Variants in SCN11A observed in about 807,000 individuals in gnomAD.
The protein encoded by SCN11A is sodium voltage-gated channel alpha subunit 11, also known as sodium channel protein type 11 subunit alpha.
Under a neutral mutation model 162.2 loss-of-function variants are expected in SCN11A, and 122 were observed. That is an observed-to-expected ratio of 0.75 (90% CI 0.65 to 0.87). The LOEUF is 0.87. SCN11A is among the 40% of genes least tolerant of loss of function. The pLI, the probability that SCN11A is intolerant of heterozygous loss-of-function variation, is 0.00. For synonymous variants in SCN11A, 758 were observed against 751.5 expected (o/e 1.01, Z -0.14); for missense variants, 2,015 against 2,181.6 (o/e 0.92, Z 1.52).
At chr3:38,927,060 C>CTG in intron 7 of SCN11A, 129 bp from the exon 8 acceptor site, 1 of 861,766 alleles carries the variant, frequency 1.2e-6, no homozygotes, top group Non-Finnish European at 1.8e-6. Context: ...TGGTCTTCAG[C>CTG]AAACCAGAGT....
chr3:38,954,643 C>T lies in SCN11A; in HGVS notation c.-138-884G>A, dbSNP rs140943329. ...TATAGATGATAAAAAAACAAACAAA[C>T]AAACAAACAAAAAAACAAAAAAACA... On this transcript the variant is annotated intron_variant, in intron 3 of 29. Transcript: ENST00000302328. Among the ~76,000 whole-genome samples, 994 of 151,824 alleles carry T rather than the reference C, an allele frequency of 6.5e-3. 3 individuals carry two copies. The highest frequency in any genetic ancestry group is 0.017 in the Middle Eastern group (5 of 294).
chr3:38,892,181 G>C (rs1371763987), intron 19 of SCN11A, among the ~76,000 whole-genome samples: 1 of 152,092 alleles, frequency 6.6e-6, no homozygotes, highest in Admixed American at 6.5e-5. Flanking sequence ...TTTATATCTA[G>C]TGAGGCTATC....
In SCN11A at chr3:38,961,597, T is replaced by C. The variant is rs867213209; in HGVS notation, c.-279-1174A>G. On this transcript the variant is annotated intron_variant, in intron 2 of 29. Transcript: ENST00000302328. Reference sequence around the variant, plus strand: ...CAAAGAATAAGAGAGGTACTTAGAGTTAATAAGCACTTTTTACATAAATGC... The same window carrying C: ...CAAAGAATAAGAGAGGTACTTAGAGCTAATAAGCACTTTTTACATAAATGC... Among the ~76,000 whole-genome samples the C allele has an allele frequency of 2.6e-5, 4 of 152,096 alleles. No individual in the cohort carries two copies. In the South Asian group the frequency reaches 6.2e-4, roughly 24 times the overall value.
At chr3:39,026,770 A>G (rs773558860) in intron 2 of SCN11A, among the ~76,000 whole-genome samples, 1 of 152,148 alleles carries the variant, frequency 6.6e-6, no homozygotes, top group Non-Finnish European at 1.5e-5. Context: ...CCAGGATAAG[A>G]AGATACTGAG....
chr3:38,948,856 T>C (rs1164073186), intron 5 of SCN11A, among the ~76,000 whole-genome samples: 3 of 152,218 alleles, frequency 2.0e-5, no homozygotes, highest in African/African-American at 7.2e-5. Flanking sequence ...AGGAGACCTC[T>C]ACAGTTAACT....
intron 28 of SCN11A, among the ~76,000 whole-genome samples, chr3:38,855,252 T>TC (rs2064848590): frequency 6.6e-6 from 1 of 152,252 alleles, no homozygotes; most frequent in African/African-American, 2.4e-5. Context: ...CTACTGGCTA[T>TC]CCCCCACTTC....
At chr3:39,019,567 T>C (rs931902935) in intron 2 of SCN11A, among the ~76,000 whole-genome samples, 5 of 152,214 alleles carry the variant, frequency 3.3e-5, no homozygotes, top group South Asian at 2.1e-4. Context: ...CATTGAGCAG[T>C]TGCAGTTTCA....
rs1044356067 is a variant in SCN11A at position 38,908,251 on chromosome 3, C to T, written c.1300-129G>A. ...CTGTATCATTTAAATTGCTCATCAT[C>T]TACCTGGACTACGCTAGCTCTGTTA... is the stretch of plus-strand genomic sequence containing the variant. On this transcript the variant is annotated intron_variant, in intron 13 of 29. Transcript: ENST00000302328. 2.0e-5 allele frequency: 15 copies of T among 747,028 alleles called. No homozygotes were observed. In the African/African-American group the frequency reaches 2.3e-4, roughly 11 times the overall value. The allele number at this position is 747,028 out of a possible 1,614,324, so 46.3% of individuals were successfully genotyped here.
intron 26 of SCN11A, among the ~76,000 whole-genome samples, chr3:38,868,607 C>T (rs1474322139): frequency 6.6e-6 from 1 of 152,066 alleles, no homozygotes; most frequent in Admixed American, 6.6e-5. Flanking sequence ...CAAAGCTCAC[C>T]CAATTTGTTC....
At position 38,847,198 on chromosome 3, in the gene SCN11A, G is replaced by A. The variant is rs1328569636; in HGVS notation, c.4872C>T (p.Asp1624=). The change falls in exon 30 of 30, where the codon GAC becomes GAT. Residue 1624 remains aspartate (D), a synonymous_variant. Coordinates refer to ENST00000302328, the MANE Select transcript of SCN11A (RefSeq NM_001349253.2). ...ACTTTTCCCACACTTCATAAAATAT[G>A]TCAAAGTCATCTTCACCCAAAGGGT... ...SEDPLGEDDF[D]IFYEVWEKFD... 1 of 1,614,058 alleles carries A rather than the reference G, an allele frequency of 6.2e-7. No individual in the cohort carries two copies. Among genetic ancestry groups the A allele is most frequent in the Non-Finnish European group, 8.5e-7 (1 of 1,179,960 alleles).
chr3:38,897,539 AC>A, intron 17 of SCN11A, among the ~76,000 whole-genome samples: 1 of 152,016 alleles, frequency 6.6e-6, no homozygotes, highest in African/African-American at 2.4e-5. Context: ...ACATGGTGAA[AC>A]CCCGTCTCTA....
At chr3:39,006,538 G>C (rs2030979102) in intron 2 of SCN11A, among the ~76,000 whole-genome samples, 1 of 150,428 alleles carries the variant, frequency 6.6e-6, no homozygotes, top group Non-Finnish European at 1.5e-5. Context: ...CCAACCAATA[G>C]ATAAAAGCAA....
intron 23 of SCN11A, among the ~76,000 whole-genome samples, chr3:38,872,546 C>T (rs2126096964): frequency 6.6e-6 from 1 of 152,100 alleles, no homozygotes; most frequent in South Asian, 2.1e-4. Flanking sequence ...GAGGTGGATG[C>T]ATAAAGGGAA....
intron 19 of SCN11A, among the ~76,000 whole-genome samples, chr3:38,886,457 TA>T (rs1349093899): frequency 5.3e-5 from 8 of 152,190 alleles, no homozygotes; most frequent in African/African-American, 1.9e-4. Context: ...GTTACAAAGA[TA>T]CATAATCAAA....
chr3:38,907,902 C>A, intron 14 of SCN11A, 47 bp downstream of exon 14: 1 of 1,496,452 alleles, frequency 6.7e-7, no homozygotes, highest in South Asian at 1.3e-5. Context: ...TGGACCTGTC[C>A]CCCTGGACAG....
At chr3:39,038,244 T>C (rs778104878) in intron 1 of SCN11A, among the ~76,000 whole-genome samples, 16 of 151,356 alleles carry the variant, frequency 1.1e-4, no homozygotes, top group Non-Finnish European at 1.9e-4. Context: ...AGGTGGTTGG[T>C]TGTAGCTCAG....
chr3:38,929,172 C>CACACACACAT (rs139558791), intron 7 of SCN11A, among the ~76,000 whole-genome samples: 5,012 of 79,772 alleles, frequency 0.063, 122 homozygotes, highest in Middle Eastern at 0.12. Context: ...CACACACACA[C>CACACACACAT]ATGTTTGGGA....
rs1290306448 is a variant in SCN11A at position 38,847,327 on chromosome 3, T to C, written c.4743A>G (p.Thr1581=). 1.9e-6 allele frequency: 3 copies of C among 1,614,084 alleles called. No individual in the cohort carries two copies. Among genetic ancestry groups the C allele is most frequent in the Non-Finnish European group, 1.7e-6 (2 of 1,180,034 alleles). Residue 1581 remains threonine, a synonymous_variant, in exon 30 of 30, where the codon ACA becomes ACG. Transcript: ENST00000302328. ...SENCHLPGIA[T]SYFVSYIIIS... is the part of the protein sequence containing the mutation. ...TGATAATGTAACTGACAAAGTAGGA[T>C]GTGGCTATGCCAGGGAGGTGGCAGT...
intron 2 of SCN11A, among the ~76,000 whole-genome samples, chr3:39,025,019 G>A (rs758174394): frequency 6.6e-6 from 1 of 152,058 alleles, no homozygotes; most frequent in Admixed American, 6.6e-5. Flanking sequence ...CCCTCAAAGC[G>A]CCAAGTGAAA....
Sources: allele counts gnomAD v4.1 joint callset (sites outside exome capture counted in the v4.1 genomes callset), GRCh38; gene constraint gnomAD v4.1.1; transcripts MANE v1.5; gene names NCBI Gene and HGNC (gene_info 2026-07-23, HGNC 2026-07-21).